The following DNAH7 variants were observed in gnomAD, a reference collection of about 807,000 sequenced individuals.
DNAH7 encodes axonemal beta dynein heavy chain 7.
DNAH7 carries 397 observed loss-of-function variants against 444.6 expected under a neutral mutation model. That is an observed-to-expected ratio of 0.89 (90% CI 0.82 to 0.97). The LOEUF (loss-of-function observed/expected upper bound fraction) is 0.97, where lower values mean the gene tolerates loss of function less well. Ranked by LOEUF, DNAH7 falls within the 50% of genes least tolerant of loss-of-function variation. The pLI is 0.00. For missense variants in DNAH7, 4,902 were observed against 4,800.8 expected (o/e 1.02, Z -0.62); for synonymous variants, 1,636 against 1,624.4 (o/e 1.01, Z -0.17).
At chr2:195,845,805 T>C (rs781520137) in intron 46 of DNAH7, among the ~76,000 whole-genome samples, 10 of 152,190 alleles carry the variant, frequency 6.6e-5, no homozygotes, top group Admixed American at 2.0e-4. Flanking sequence ...TGGCTAGCCA[T>C]ATGCAGAAGA....
chr2:195,976,747 CAGAGAGAGAG>C (rs60653466), intron 15 of DNAH7, among the ~76,000 whole-genome samples: 4,178 of 90,620 alleles, frequency 0.046, 250 homozygotes, highest in East Asian at 0.35. Flanking sequence ...GAGAGGCAGA[CAGAGAGAGAG>C]AGAGAGAGAG....
intron 63 of DNAH7, among the ~76,000 whole-genome samples, chr2:195,743,288 C>G (rs939519555): frequency 1.3e-5 from 2 of 152,244 alleles, no homozygotes; most frequent in Non-Finnish European, 1.5e-5. Context: ...CCTTAACTTG[C>G]AGACGGCTTA....
chr2:195,950,887 C>G (rs1268594904), intron 19 of DNAH7, among the ~76,000 whole-genome samples: 1 of 132,220 alleles, frequency 7.6e-6, no homozygotes, highest in Non-Finnish European at 1.6e-5. Flanking sequence ...AAACCCAGCT[C>G]CTGGATTCAA....
intron 49 of DNAH7, among the ~76,000 whole-genome samples, chr2:195,820,436 C>T (rs1021248548): frequency 6.7e-6 from 1 of 149,392 alleles, no homozygotes; most frequent in South Asian, 2.1e-4. Flanking sequence ...ACGCTCTGCA[C>T]ATGTATCCCA....
intron 15 of DNAH7, among the ~76,000 whole-genome samples, chr2:195,982,637 T>C (rs1487585798): frequency 5.3e-5 from 8 of 152,222 alleles, no homozygotes; most frequent in Admixed American, 2.0e-4. Flanking sequence ...GCAGTACTAT[T>C]CAGTTATAAA....
intron 15 of DNAH7, among the ~76,000 whole-genome samples, chr2:195,974,421 T>C (rs1273943667): frequency 1.3e-5 from 2 of 152,204 alleles, no homozygotes; most frequent in African/African-American, 4.8e-5. Flanking sequence ...GTGGTAATAA[T>C]CTTTTTTAAA....
chr2:195,824,310 A>C lies in DNAH7; in HGVS notation c.9236T>G (p.Phe3079Cys), dbSNP rs200464315. 601 of 1,613,812 alleles carry C rather than the reference A, an allele frequency of 3.7e-4. 1 individual carries two copies. Among genetic ancestry groups the C allele is most frequent in the Non-Finnish European group, 4.9e-4 (575 of 1,179,894 alleles). Residue 3079 changes from phenylalanine to cysteine, a missense_variant, in exon 49 of 65, where the codon TTC becomes TGC. Physicochemically the swap from Phe to Cys is radical, Grantham distance 205. Coordinates refer to ENST00000312428, the MANE Select transcript of DNAH7 (RefSeq NM_018897.3). ...STIEYAPDFR[F>C]YITTKLRNPH... Reference sequence around the variant, plus strand: ...ATTTCTTAACTTGGTAGTAATATAGAAGCGGAAGTCAGGTGCATATTCAAT... The same window carrying C: ...ATTTCTTAACTTGGTAGTAATATAGCAGCGGAAGTCAGGTGCATATTCAAT...
chr2:195,899,331 G>T (rs1189428145), intron 28 of DNAH7, among the ~76,000 whole-genome samples: 1 of 152,306 alleles, frequency 6.6e-6, no homozygotes, highest in South Asian at 2.1e-4. Flanking sequence ...GGATTCATTT[G>T]CAGGATTCAT....
At chr2:195,817,233 T>TCTCAGC (rs1442910914) in intron 50 of DNAH7, among the ~76,000 whole-genome samples, 1 of 152,200 alleles carries the variant, frequency 6.6e-6, no homozygotes. Flanking sequence ...CCATCAAGGA[T>TCTCAGC]CTCAGCTCAG....
intron 46 of DNAH7, among the ~76,000 whole-genome samples, chr2:195,846,970 T>TGTGTGTGCGC (rs897919951): frequency 6.6e-6 from 1 of 151,112 alleles, no homozygotes; most frequent in African/African-American, 2.4e-5. Context: ...TGTGTGTGTG[T>TGTGTGTGCGC]GTGTGTGTGT....
At chr2:195,960,210 A>T in intron 18 of DNAH7, 50 bp downstream of exon 18, 2 of 1,435,612 alleles carry the variant, frequency 1.4e-6, no homozygotes, top group Non-Finnish European at 1.9e-6. Context: ...ATTAAACACA[A>T]GTGATTTTGG....
chr2:195,773,454 T>A (rs1694933237), intron 60 of DNAH7, among the ~76,000 whole-genome samples: 1 of 142,608 alleles, frequency 7.0e-6, no homozygotes. Flanking sequence ...CTATGGTTCT[T>A]CAAAAAACGT....
intron 54 of DNAH7, among the ~76,000 whole-genome samples, chr2:195,801,291 A>AAT (rs72396547): frequency 0.023 from 3,400 of 148,656 alleles, 59 homozygotes; most frequent in East Asian, 0.064. Flanking sequence ...CCTGCTCTGA[A>AAT]ATATATATAT....
At chr2:195,910,642 TATAA>T (rs1687303197) in intron 24 of DNAH7, among the ~76,000 whole-genome samples, 1 of 152,148 alleles carries the variant, frequency 6.6e-6, no homozygotes, top group Admixed American at 6.5e-5. Context: ...GGGATCAGTA[TATAA>T]ATAAATGAGT....
At chr2:195,953,738 T>C (rs1027058939) in intron 19 of DNAH7, among the ~76,000 whole-genome samples, 22 of 152,234 alleles carry the variant, frequency 1.4e-4, no homozygotes, top group African/African-American at 4.6e-4. Flanking sequence ...TTGTTTACAC[T>C]GTAAGCCAGT....
At chr2:195,789,368 G>T (rs890457334) in intron 57 of DNAH7, among the ~76,000 whole-genome samples, 8 of 152,158 alleles carry the variant, frequency 5.3e-5, no homozygotes, top group Admixed American at 4.6e-4. Context: ...TGGCGGAGAA[G>T]GGAGAACTGT....
chr2:195,747,927 GA>G (rs1168719655), intron 63 of DNAH7, among the ~76,000 whole-genome samples: 14 of 152,180 alleles, frequency 9.2e-5, no homozygotes, highest in African/African-American at 3.4e-4. Context: ...ACTGGCACAA[GA>G]CAGGGATGCC....
chr2:195,812,805 T>A (rs1446537049), intron 51 of DNAH7, among the ~76,000 whole-genome samples: 1 of 152,232 alleles, frequency 6.6e-6, no homozygotes, highest in Admixed American at 6.5e-5. Flanking sequence ...TATCGTCCAA[T>A]AACTGCCTGA....
chr2:195,823,520 G>A (rs957769928), intron 49 of DNAH7, among the ~76,000 whole-genome samples: 1 of 152,086 alleles, frequency 6.6e-6, no homozygotes, highest in Non-Finnish European at 1.5e-5. Flanking sequence ...TTCCAATACA[G>A]GCAAGTATTT....
Sources: gnomAD v4.1 joint callset for allele counts (sites outside exome capture counted in the v4.1 genomes callset) on GRCh38, gnomAD v4.1.1 for gene constraint, MANE v1.5 for transcripts, NCBI Gene and HGNC (gene_info 2026-07-23, HGNC 2026-07-21) for gene names.